The following DLGAP2 variants were observed in gnomAD, a reference collection of about 807,000 sequenced individuals.
DLGAP2 encodes the protein DLG associated protein 2.
DLGAP2 carries 26 observed loss-of-function variants against 100.3 expected under a neutral mutation model. That is an observed-to-expected ratio of 0.26 (90% confidence interval 0.19 to 0.36). The LOEUF is 0.36. Ranked by LOEUF, DLGAP2 falls within the 10% of genes least tolerant of loss-of-function variation. The pLI is 1.00. For synonymous variants in DLGAP2, 886 were observed against 630.1 expected (o/e 1.41, Z -6.08); for missense variants, 1,858 against 1,453.2 (o/e 1.28, Z -4.53).
At chr8:1,643,611 G>C (rs1252543146) in intron 8 of DLGAP2, among the ~76,000 whole-genome samples, 1 of 822 alleles carries the variant, frequency 1.2e-3, no homozygotes, top group African/African-American at 0.022. Context: ...TGTCACCCTC[G>C]ACCCCGCCGG....
intron 1 of DLGAP2, among the ~76,000 whole-genome samples, chr8:888,318 G>C (rs1292316338): frequency 1.3e-5 from 2 of 152,132 alleles, no homozygotes; most frequent in Admixed American, 1.3e-4. Flanking sequence ...TTTGCACTGG[G>C]TTAGAACATG....
In DLGAP2 at chr8:1,426,806, T is replaced by C. The variant is rs1445665838; in HGVS notation, c.107-74560T>C. 2.6e-5 allele frequency among the ~76,000 whole-genome samples: 4 copies of C among 152,126 alleles called. No homozygotes were observed. In the East Asian group the frequency reaches 7.7e-4, roughly 29 times the overall value. ...TCCCACCTAAAATCTCATGTCTAAG[T>C]AAATTAGTCGTAAAAAAAAATTAGT... On this transcript the variant is annotated intron_variant, in intron 3 of 14. Coordinates refer to ENST00000637795, the MANE Select transcript of DLGAP2 (RefSeq NM_001346810.2).
At chr8:1,248,114 G>A (rs1211731341) in intron 2 of DLGAP2, among the ~76,000 whole-genome samples, 1 of 3,988 alleles carries the variant, frequency 2.5e-4, no homozygotes. Flanking sequence ...GTGGGAGTCT[G>A]ATGGCCCACG....
intron 1 of DLGAP2, among the ~76,000 whole-genome samples, chr8:854,725 C>G (rs1797245272): frequency 6.6e-6 from 1 of 151,954 alleles, no homozygotes. Context: ...CCAGGGCTGT[C>G]TGCAGTCTGC....
At chr8:1,454,976 C>G (rs1314240312) in intron 3 of DLGAP2, among the ~76,000 whole-genome samples, 2 of 152,140 alleles carry the variant, frequency 1.3e-5, no homozygotes, top group Non-Finnish European at 2.9e-5. Flanking sequence ...TCCACACATT[C>G]ACCCATGGTA....
chr8:1,324,141 A>G (rs924925209), intron 3 of DLGAP2, among the ~76,000 whole-genome samples: 1 of 152,182 alleles, frequency 6.6e-6, no homozygotes, highest in African/African-American at 2.4e-5. Flanking sequence ...GACGACCCCC[A>G]AAGTCTGTAT....
rs535110511 is a variant in DLGAP2 at position 1,152,537 on chromosome 8, G to A, written c.74-106314G>A. Reference sequence around the variant, plus strand: ...ATTCCTCTCCCAAAGGCCCTTTTTTGTATGACTTAAAAAGTGCAAAGCAGT... The same window carrying A: ...ATTCCTCTCCCAAAGGCCCTTTTTTATATGACTTAAAAAGTGCAAAGCAGT... On this transcript the variant is annotated intron_variant, in intron 2 of 14. Transcript: ENST00000637795. 6.6e-5 allele frequency among the ~76,000 whole-genome samples: 10 copies of A among 152,242 alleles called. No homozygotes were observed. In the South Asian group the frequency reaches 2.1e-3, roughly 32 times the overall value.
At chr8:1,244,687 G>A (rs939998043) in intron 2 of DLGAP2, among the ~76,000 whole-genome samples, 37 of 152,314 alleles carry the variant, frequency 2.4e-4, no homozygotes, top group South Asian at 1.0e-3. Context: ...CCGCAAGGAC[G>A]TGCATCTTTG....
chr8:1,072,251 C>T (rs1476039483), intron 2 of DLGAP2, among the ~76,000 whole-genome samples: 1 of 152,084 alleles, frequency 6.6e-6, no homozygotes, highest in Non-Finnish European at 1.5e-5. Flanking sequence ...AGATGCAGGG[C>T]ACTCTCTCCA....
At chr8:1,090,669 T>G (rs1017762112) in intron 2 of DLGAP2, among the ~76,000 whole-genome samples, 1 of 152,204 alleles carries the variant, frequency 6.6e-6, no homozygotes, top group African/African-American at 2.4e-5. Context: ...GCTGTGCAGG[T>G]GGAAGGCAGT....
At chr8:1,689,651 C>G (rs772315502) in intron 12 of DLGAP2, among the ~76,000 whole-genome samples, 2 of 151,704 alleles carry the variant, frequency 1.3e-5, no homozygotes, top group Non-Finnish European at 2.9e-5. Context: ...GCAAAAAGAG[C>G]AGGTGGAATC....
chr8:1,027,796 G>A (rs1801851247), intron 2 of DLGAP2, among the ~76,000 whole-genome samples: 1 of 125,552 alleles, frequency 8.0e-6, no homozygotes, highest in Non-Finnish European at 1.7e-5. Flanking sequence ...TCTCCAGGTC[G>A]GGTGTCAGGC....
intron 1 of DLGAP2, among the ~76,000 whole-genome samples, chr8:883,613 C>T (rs1287626695): frequency 2.0e-5 from 3 of 150,456 alleles, no homozygotes; most frequent in Admixed American, 6.6e-5. Context: ...ACGCGTGTGC[C>T]GCGGCGGTTC....
chr8:1,547,381 G>C (rs1801578060), intron 4 of DLGAP2, among the ~76,000 whole-genome samples: 1 of 152,096 alleles, frequency 6.6e-6, no homozygotes, highest in South Asian at 2.1e-4. Context: ...GCATTTGAGG[G>C]GGTCAGCCCC....
intron 1 of DLGAP2, among the ~76,000 whole-genome samples, chr8:753,207 G>T (rs539611153): frequency 6.6e-6 from 1 of 152,160 alleles, no homozygotes; most frequent in Non-Finnish European, 1.5e-5. Flanking sequence ...CGTCACTTAC[G>T]CAGAGGAGGG....
intron 3 of DLGAP2, among the ~76,000 whole-genome samples, chr8:1,362,804 G>T (rs1459160771): frequency 6.6e-6 from 1 of 152,228 alleles, no homozygotes; most frequent in Non-Finnish European, 1.5e-5. Flanking sequence ...ATTAGGAGGC[G>T]CGACCGCCTG....
intron 2 of DLGAP2, among the ~76,000 whole-genome samples, chr8:1,231,345 T>A (rs2116833987): frequency 6.6e-6 from 1 of 152,308 alleles, no homozygotes; most frequent in South Asian, 2.1e-4. Flanking sequence ...CAACAGATGC[T>A]GGTGAGGGTG....
chr8:1,073,144 A>C (rs924330578), intron 2 of DLGAP2, among the ~76,000 whole-genome samples: 1 of 152,202 alleles, frequency 6.6e-6, no homozygotes, highest in African/African-American at 2.4e-5. Flanking sequence ...TCTGGCTTCC[A>C]GGTCTGTCTT....
In DLGAP2 at chr8:1,548,672, C is replaced by T. The variant is rs781252566; in HGVS notation, c.219C>T (p.Arg73=). Residue 73 remains arginine, a synonymous_variant, in exon 5 of 15, where the codon CGC becomes CGT. Transcript: ENST00000637795. ...WSPTQHFNEE[R]YSPAPRSMKG... is the part of the protein sequence containing the mutation. ...CCACGCAGCACTTCAATGAGGAGCGCTACTCGCCCGCGCCCAGGAGCATGA... is the reference window on the plus strand; with the variant it reads ...CCACGCAGCACTTCAATGAGGAGCGTTACTCGCCCGCGCCCAGGAGCATGA... 6.3e-7 allele frequency: 1 copy of T among 1,597,720 alleles called. No homozygotes were observed.
Sources: allele counts gnomAD v4.1 joint callset (sites outside exome capture counted in the v4.1 genomes callset), GRCh38; gene constraint gnomAD v4.1.1; transcripts MANE v1.5; gene names NCBI Gene and HGNC (gene_info 2026-07-23, HGNC 2026-07-21).